Variants in ELAVL2 observed in about 807,000 individuals in gnomAD.
ELAVL2 encodes ELAV like RNA binding protein 2, also known as ELAV-like protein 2.
In ELAVL2, 4 loss-of-function variants were observed where a neutral mutation model predicts 34.6. That is an observed-to-expected ratio of 0.12 (90% CI 0.06 to 0.26). The LOEUF is 0.26. ELAVL2 is among the 10% of genes least tolerant of loss of function. The probability of loss-of-function intolerance (pLI) is 1.00; values close to 1 mark genes in which losing one functional copy is unlikely to be tolerated. For synonymous variants in ELAVL2, 193 were observed against 154.8 expected (o/e 1.25, Z -1.83); for missense variants, 432 against 442.8 (o/e 0.98, Z 0.22).
chr9:23,841,449 C>A, the ELAVL2 span, among the ~76,000 whole-genome samples: 30 of 152,140 alleles, frequency 2.0e-4, no homozygotes, highest in Middle Eastern at 0.014. Flanking sequence ...TCTAGAGAAA[C>A]TCTCTCTCTA....
chr9:23,773,774 C>G (rs1425815140), intron 1 of ELAVL2, among the ~76,000 whole-genome samples: 1 of 152,120 alleles, frequency 6.6e-6, no homozygotes, highest in East Asian at 1.9e-4. Flanking sequence ...GGGGTCTGTT[C>G]TCTTTAAAAG....
chr9:23,782,433 G>A (rs1228553370), intron 1 of ELAVL2, among the ~76,000 whole-genome samples: 1 of 151,996 alleles, frequency 6.6e-6, no homozygotes, highest in Non-Finnish European at 1.5e-5. Flanking sequence ...TTACAGGCGT[G>A]TGGTAGTGCA....
In ELAVL2 at chr9:23,825,448, A is replaced by G. The variant is rs549346882; in HGVS notation, c.-16+358T>C. Among the ~76,000 whole-genome samples, 13 of 152,218 alleles carry G rather than the reference A, an allele frequency of 8.5e-5. 1 individual carries two copies. Among genetic ancestry groups the G allele is most frequent in the East Asian group, 1.9e-4 (1 of 5,164 alleles). ...CTCCCGTCCTTCCGTTGCTGAGCCA[A>G]AGTAGAGGCATGCATCCCCAACACC... On this transcript the variant is annotated intron_variant, in intron 1 of 6. Coordinates refer to ENST00000397312, the MANE Select transcript of ELAVL2 (RefSeq NM_004432.5).
At chr9:23,717,110 A>C (rs1386166703) in intron 3 of ELAVL2, among the ~76,000 whole-genome samples, 1 of 152,230 alleles carries the variant, frequency 6.6e-6, no homozygotes, top group Non-Finnish European at 1.5e-5. Context: ...TCTACAGTTA[A>C]GTTTCCCTTT....
At chr9:23,765,213 G>C in intron 1 of ELAVL2, 2 of 903,296 alleles carry the variant, frequency 2.2e-6, no homozygotes, top group Non-Finnish European at 3.3e-6. Context: ...TCCATGCAGT[G>C]TGGCTTAATT....
chr9:23,694,873 CGTGTGT>C (rs539172313), intron 5 of ELAVL2, among the ~76,000 whole-genome samples: 1 of 151,656 alleles, frequency 6.6e-6, no homozygotes, highest in Non-Finnish European at 1.5e-5. Flanking sequence ...GTGCGTGGTG[CGTGTGT>C]GTGTGTGCGT....
chr9:23,797,572 G>A (rs1456445283), intron 1 of ELAVL2, among the ~76,000 whole-genome samples: 1 of 152,240 alleles, frequency 6.6e-6, no homozygotes, highest in Admixed American at 6.5e-5. Flanking sequence ...ACTGAGAGGA[G>A]ATTTTTTAAA....
At chr9:23,782,782 A>G (rs137881671) in intron 1 of ELAVL2, among the ~76,000 whole-genome samples, 37 of 152,338 alleles carry the variant, frequency 2.4e-4, no homozygotes, top group Non-Finnish European at 4.6e-4. Context: ...ATTTATTAAT[A>G]AACTATTTAC....
chr9:23,781,098 G>T (rs1420198098), intron 1 of ELAVL2, among the ~76,000 whole-genome samples: 4 of 152,178 alleles, frequency 2.6e-5, no homozygotes, highest in Non-Finnish European at 5.9e-5. Flanking sequence ...ATTAAGAACA[G>T]ATTTTTCTCA....
the ELAVL2 span, among the ~76,000 whole-genome samples, chr9:23,845,320 C>T: frequency 4.6e-5 from 7 of 151,660 alleles, no homozygotes; most frequent in East Asian, 3.9e-4. Context: ...ATTGTATAGA[C>T]GGTTGTATGA....
intron 2 of ELAVL2, among the ~76,000 whole-genome samples, chr9:23,750,703 C>T (rs2051743322): frequency 6.6e-6 from 1 of 152,098 alleles, no homozygotes; most frequent in African/African-American, 2.4e-5. Context: ...ATCAGTCTCT[C>T]ATTTATATTC....
At chr9:23,761,978 T>C in intron 2 of ELAVL2, 28 bp downstream of exon 2, 3 of 1,591,704 alleles carry the variant, frequency 1.9e-6, no homozygotes, top group Non-Finnish European at 2.6e-6. Context: ...ATCCGTTAAA[T>C]ATAAATCATC....
intron 1 of ELAVL2, among the ~76,000 whole-genome samples, chr9:23,777,190 A>G (rs867507983): frequency 6.6e-6 from 1 of 152,202 alleles, no homozygotes; most frequent in African/African-American, 2.4e-5. Flanking sequence ...TAGGACTGCA[A>G]TCTCTTTCAG....
chr9:23,743,352 A>G (rs2049738085), intron 2 of ELAVL2, among the ~76,000 whole-genome samples: 1 of 152,158 alleles, frequency 6.6e-6, no homozygotes, highest in Non-Finnish European at 1.5e-5. Context: ...ACCTCATCCA[A>G]AAGTTGAAGT....
At chr9:23,713,710 C>T (rs894778516) in intron 3 of ELAVL2, among the ~76,000 whole-genome samples, 11 of 152,142 alleles carry the variant, frequency 7.2e-5, no homozygotes, top group African/African-American at 1.2e-4. Flanking sequence ...GAGGCAAGCA[C>T]GTGTTAGCTT....
chr9:23,717,195 G>C (rs1462720652), intron 3 of ELAVL2, among the ~76,000 whole-genome samples: 1 of 152,146 alleles, frequency 6.6e-6, no homozygotes, highest in Non-Finnish European at 1.5e-5. Flanking sequence ...ACTTCATATA[G>C]TAATGAAAAT....
At chr9:23,841,926 T>C in the ELAVL2 span, among the ~76,000 whole-genome samples, 3,961 of 152,246 alleles carry the variant, frequency 0.026, 69 homozygotes, top group Non-Finnish European at 0.04. Context: ...AAGTAAACTT[T>C]TTCTTTTTCA....
At chr9:23,707,203 T>C (rs951211529) in intron 3 of ELAVL2, among the ~76,000 whole-genome samples, 4 of 152,248 alleles carry the variant, frequency 2.6e-5, no homozygotes, top group African/African-American at 4.8e-5. Context: ...TAATGTAACT[T>C]AGATGGAATC....
At chr9:23,743,691 A>G (rs986904776) in intron 2 of ELAVL2, among the ~76,000 whole-genome samples, 1 of 152,208 alleles carries the variant, frequency 6.6e-6, no homozygotes, top group Non-Finnish European at 1.5e-5. Flanking sequence ...TAATTTTAAC[A>G]TATTACCATT....
Sources: allele counts gnomAD v4.1 joint callset (sites outside exome capture counted in the v4.1 genomes callset), GRCh38; gene constraint gnomAD v4.1.1; transcripts MANE v1.5; gene names NCBI Gene and HGNC (gene_info 2026-07-23, HGNC 2026-07-21).